FTCD: variants seen among roughly 807,000 people sequenced by gnomAD.
FTCD encodes formimidoyltransferase-cyclodeaminase.
A neutral mutation model predicts 62.9 loss-of-function variants in FTCD; 76 were observed. The ratio of observed to expected loss-of-function variants is 1.21; its 90% CI spans 1.00 to 1.46. FTCD has a LOEUF of 1.46. Among genes scored for constraint, FTCD ranks in the 40% most tolerant of loss-of-function variants. The pLI, the probability that FTCD is intolerant of heterozygous loss-of-function variation, is 0.00. For missense variants in FTCD, 845 were observed against 751.3 expected (o/e 1.12, Z -1.46); for synonymous variants, 397 against 336.9 (o/e 1.18, Z -1.95).
chr21:46,147,261 G>A (rs951356655), intron 7 of FTCD, among the ~76,000 whole-genome samples: 4 of 149,894 alleles, frequency 2.7e-5, no homozygotes, highest in South Asian at 4.3e-4. Context: ...GTACTTCCCA[G>A]TCCCTGCCTT....
intron 12 of FTCD, 51 bp downstream of exon 12, chr21:46,138,457 G>A: frequency 6.5e-7 from 1 of 1,536,272 alleles, no homozygotes. Flanking sequence ...AGCCCCAACA[G>A]CTGCTTCCTG....
At chr21:46,147,216 T>C (rs570549025) in intron 7 of FTCD, among the ~76,000 whole-genome samples, 5 of 152,046 alleles carry the variant, frequency 3.3e-5, no homozygotes, top group African/African-American at 1.2e-4. Context: ...CAAGGATGAA[T>C]TAGAAACAGC....
At chr21:46,137,981 T>C (rs1255153144) in intron 12 of FTCD, among the ~76,000 whole-genome samples, 1 of 152,172 alleles carries the variant, frequency 6.6e-6, no homozygotes, top group African/African-American at 2.4e-5. Flanking sequence ...ACTGCAGCCT[T>C]GACCTCCTGT....
At chr21:46,154,065 T>C (rs894733632) in intron 2 of FTCD, 84 bp downstream of exon 2, 2 of 1,441,614 alleles carry the variant, frequency 1.4e-6, no homozygotes, top group African/African-American at 1.4e-5. Flanking sequence ...GCCCCGGGCC[T>C]ACCCCCTCTC....
Position 46,140,229 on chromosome 21 carries a change from C to G in FTCD, c.1261-1306G>C, listed in dbSNP as rs113509015. Among the ~76,000 whole-genome samples the G allele has an allele frequency of 3.4e-3, 291 of 85,154 alleles. 1 individual carries two copies. Among genetic ancestry groups the G allele is most frequent in the Middle Eastern group, 0.013 (1 of 80 alleles). The allele number at this position is 85,154 out of a possible 152,430, so 55.9% of individuals were successfully genotyped here. The stretch of plus-strand genomic sequence containing the variant: ...AGCACTCCCCGTCCACCTTCACGTG[C>G]CTCACAGGGTGCGTAAACCAATGCA... On this transcript the variant is annotated intron_variant, in intron 10 of 13. Coordinates refer to ENST00000397746, the MANE Select transcript of FTCD (RefSeq NM_206965.2).
Position 46,137,022 on chromosome 21 carries a change from G to T in FTCD, c.1591C>A (p.Leu531Met), listed in dbSNP as rs190697279. The part of the protein sequence containing the change: ...LLQEAKTQAA[L>M]VLDCLETRQE ...CGGGTCTCCAAGCAGTCCAGCACCA[G>T]TGCAGCCTGGGTCTTGGCTTCCTGC... Residue 531 changes from leucine (L) to methionine (M), a missense_variant, in exon 14 of 14, where the codon CTG (leucine) becomes ATG (methionine). Leu to Met is a conservative substitution (Grantham distance 15, BLOSUM62 2). Coordinates refer to ENST00000397746, the MANE Select transcript of FTCD (RefSeq NM_206965.2). 5.0e-5 allele frequency: 81 copies of T among 1,613,658 alleles called. 1 individual carries two copies. The African/African-American group carries it at 7.6e-4, about 15-fold the overall frequency.
intron 10 of FTCD, among the ~76,000 whole-genome samples, chr21:46,139,780 C>T (rs891585677): frequency 2.6e-5 from 4 of 152,204 alleles, no homozygotes; most frequent in Non-Finnish European, 5.9e-5. Flanking sequence ...TGGCTGCAGC[C>T]CCTCTCCCAG....
chr21:46,141,571 A>G (rs929249822), intron 10 of FTCD, among the ~76,000 whole-genome samples: 1 of 152,216 alleles, frequency 6.6e-6, no homozygotes, highest in Non-Finnish European at 1.5e-5. Context: ...GAACTGTGAT[A>G]CAAGACCCAA....
intron 2 of FTCD, 142 bp from the exon 3 acceptor site, chr21:46,153,177 G>T: frequency 1.2e-6 from 1 of 845,458 alleles, no homozygotes; most frequent in Non-Finnish European, 1.8e-6. Flanking sequence ...CTGACCCACA[G>T]GGAGGAGGCC....
At chr21:46,150,666 T>A in intron 5 of FTCD, 141 bp from the exon 6 acceptor site, 1 of 888,744 alleles carries the variant, frequency 1.1e-6, no homozygotes, top group Non-Finnish European at 1.9e-6. Flanking sequence ...CCTCCGTCCC[T>A]CACTGAGCTG....
chr21:46,139,987 T>A (rs1057489000), intron 10 of FTCD, among the ~76,000 whole-genome samples: 14 of 152,238 alleles, frequency 9.2e-5, no homozygotes, highest in African/African-American at 3.4e-4. Context: ...CCCGGTCCGT[T>A]TTGTTTTCTG....
chr21:46,136,513 C>T, downstream of FTCD: 1 of 1,611,914 alleles, frequency 6.2e-7, no homozygotes, highest in East Asian at 2.2e-5. Context: ...TGCACAGAAC[C>T]AGGGCCCCTT....
rs554919902 is a variant in FTCD at position 46,140,011 on chromosome 21, G to A, written c.1261-1088C>T. ...TTTTGTTTTCTGTGATTTATCGTGA[G>A]GCTTGGTTGTGTTGGTGGTGGGGAA... On this transcript the variant is annotated intron_variant, in intron 10 of 13. Transcript: ENST00000397746. 5.3e-5 allele frequency among the ~76,000 whole-genome samples: 8 copies of A among 152,344 alleles called. No individual in the cohort carries two copies. In the East Asian group the frequency reaches 1.5e-3, roughly 29 times the overall value.
In FTCD at chr21:46,152,952, C is replaced by T. The variant is rs761108350; in HGVS notation, c.322G>A (p.Ala108Thr). ...GCCAGCCTCTGGCCAAAGGCCTGGG[C>T]GCAGAGCACACACTCATCCACGCTG... is the stretch of plus-strand genomic sequence containing the variant. ...GVSVDECVLCAQAFGQRLAEE... is the reference protein window; with the variant it reads ...GVSVDECVLCTQAFGQRLAEE... The change falls in exon 3 of 14, where the codon GCC (alanine) becomes ACC (threonine). Residue 108 changes from alanine to threonine, a missense_variant. Physicochemically the swap from Ala to Thr is moderately conservative, Grantham distance 58. Coordinates refer to ENST00000397746, the MANE Select transcript of FTCD (RefSeq NM_206965.2). 120 of 1,562,894 alleles carry T rather than the reference C, an allele frequency of 7.7e-5. 1 individual carries two copies. The highest frequency in any genetic ancestry group is 1.7e-4 in the Middle Eastern group (1 of 6,004).
chr21:46,138,392 G>A, intron 12 of FTCD, 116 bp downstream of exon 12: 2 of 991,742 alleles, frequency 2.0e-6, no homozygotes, highest in East Asian at 2.6e-5. Flanking sequence ...TGCCCGTGAA[G>A]TGAGGTCTCC....
rs1435181922 is a variant in FTCD, at chr21:46,137,025, C to A, written c.1588G>T (p.Ala530Ser). 1.2e-6 allele frequency: 2 copies of A among 1,613,522 alleles called. No homozygotes were observed. The highest frequency in any genetic ancestry group is 1.7e-6 in the Non-Finnish European group (2 of 1,179,996). The change falls in exon 14 of 14, where the codon GCA becomes TCA. Residue 530 changes from alanine (A) to serine (S), a missense_variant. By Grantham distance (99) the Ala-to-Ser change is moderately conservative. Coordinates refer to ENST00000397746, the MANE Select transcript of FTCD (RefSeq NM_206965.2). ...GTCTCCAAGCAGTCCAGCACCAGTG[C>A]AGCCTGGGTCTTGGCTTCCTGCAGG... ...SLLQEAKTQAALVLDCLETRQ... is the reference protein window; with the variant it reads ...SLLQEAKTQASLVLDCLETRQ...
chr21:46,149,589 A>C (rs2079219715), intron 7 of FTCD, among the ~76,000 whole-genome samples: 2 of 152,144 alleles, frequency 1.3e-5, no homozygotes, highest in Non-Finnish European at 1.5e-5. Context: ...CCTCGAGTGA[A>C]AGGACAGACC....
At chr21:46,147,713 C>T (rs182322105) in intron 7 of FTCD, among the ~76,000 whole-genome samples, 17 of 151,076 alleles carry the variant, frequency 1.1e-4, no homozygotes, top group African/African-American at 2.7e-4. Context: ...CTGAGGCGGA[C>T]GGATCACGAG....
rs192196401 is a variant in FTCD, at chr21:46,137,905, T to C, written c.1444-571A>G. On this transcript the variant is annotated intron_variant, in intron 12 of 13. Transcript: ENST00000397746. ...CTGCCTTGTGTGCTTTCTCGTGTTT[T>C]GTTGTTTTTGACCCAGGGTCTTGCT... Among the ~76,000 whole-genome samples the C allele has an allele frequency of 2.1e-4, 32 of 152,336 alleles. No individual in the cohort carries two copies. The East Asian group carries it at 5.8e-3, about 28-fold the overall frequency.
Sources: gnomAD v4.1 joint callset for allele counts (sites outside exome capture counted in the v4.1 genomes callset) on GRCh38, gnomAD v4.1.1 for gene constraint, MANE v1.5 for transcripts, NCBI Gene and HGNC (gene_info 2026-07-23, HGNC 2026-07-21) for gene names.